The following RGCC variants were observed in gnomAD, a reference collection of about 807,000 sequenced individuals.
The protein encoded by RGCC is regulator of cell cycle, also known as regulator of cell cycle RGCC.
A neutral mutation model predicts 15.4 loss-of-function variants in RGCC; 15 were observed. The ratio of observed to expected loss-of-function variants is 0.97; its 90% CI spans 0.65 to 1.50. The LOEUF is 1.50. Among genes scored for constraint, RGCC ranks in the 40% most tolerant of loss-of-function variants. The pLI is 0.00. For synonymous variants in RGCC, 81 were observed against 78.0 expected, an observed-to-expected ratio of 1.04 and a Z score of -0.20; for missense variants, 176 against 189.7, an observed-to-expected ratio of 0.93 and a Z score of 0.42.
chr13:41,458,183 T>G lies in RGCC; in HGVS notation c.50-102T>G. The stretch of plus-strand genomic sequence containing the variant: ...GCTGTCACTTGGCAGAGGCGCCAAG[T>G]GTCAGTTATCTTCGGGAACCGTGGC... On this transcript the variant is annotated intron_variant, in intron 1 of 4. Transcript: ENST00000379359. This position sits in a 1 kb window ranked among gnomAD's most constrained non-coding sequence, Gnocchi z 4.4. The G allele has an allele frequency of 1.0e-6, 1 of 963,472 alleles. No individual in the cohort carries two copies. Among genetic ancestry groups the G allele is most frequent in the South Asian group, 1.7e-5 (1 of 59,830 alleles). The allele number at this position is 963,472 out of a possible 1,614,324, so 59.7% of individuals were successfully genotyped here. A position where few individuals can be genotyped will look rare whatever the true frequency, so the allele number is the denominator to read the frequency against.
intron 3 of RGCC, among the ~76,000 whole-genome samples, chr13:41,468,295 A>T (rs1026905838): frequency 6.6e-6 from 1 of 152,240 alleles, no homozygotes; most frequent in Non-Finnish European, 1.5e-5. Flanking sequence ...GTGCCGCAGG[A>T]ATGACACAAT....
Position 41,468,756 on chromosome 13 carries a change from C to A in RGCC, c.344-20C>A, listed in dbSNP as rs751736767. On this transcript the variant is annotated intron_variant, in intron 3 of 4. Coordinates refer to ENST00000379359, the MANE Select transcript of RGCC (RefSeq NM_014059.3). ...AACTGAACTCTCTCTCTCTCTCTCTCTCCCTCTCCTGTTTCACAGCTAAAT... is the reference window on the plus strand; with the variant it reads ...AACTGAACTCTCTCTCTCTCTCTCTATCCCTCTCCTGTTTCACAGCTAAAT... 1 of 1,575,256 alleles carries A rather than the reference C, an allele frequency of 6.3e-7. No homozygotes were observed. The highest frequency in any genetic ancestry group is 1.1e-5 in the South Asian group (1 of 90,356).
Position 41,457,663 on chromosome 13 carries a change from C to G in RGCC, c.-45C>G. ...CCCCGAATAGCCCCGGCTGCCACCTCGCAGGACCCAAGGCCACGCGCGCCG... is the reference window on the plus strand; with the variant it reads ...CCCCGAATAGCCCCGGCTGCCACCTGGCAGGACCCAAGGCCACGCGCGCCG... On this transcript the variant is annotated 5_prime_UTR_variant, in exon 1 of 5. Transcript: ENST00000379359. This position sits in a 1 kb window ranked among gnomAD's most constrained non-coding sequence, Gnocchi z 4.9. The G allele has an allele frequency of 6.7e-7, 1 of 1,502,516 alleles. No individual in the cohort carries two copies. The allele number at this position is 1,502,516 out of a possible 1,614,324, so 93.1% of individuals were successfully genotyped here.
rs1268971436 is a variant in RGCC, at chr13:41,463,544, T to G, written c.236-3279T>G. 2.0e-5 allele frequency among the ~76,000 whole-genome samples: 3 copies of G among 151,898 alleles called. No homozygotes were observed. The East Asian group carries it at 5.8e-4, about 29-fold the overall frequency. On this transcript the variant is annotated intron_variant, in intron 2 of 4. Transcript: ENST00000379359. The stretch of plus-strand genomic sequence containing the variant: ...GCGGGCAGGAGGAAGTGAGTGTAGC[T>G]GTGCTGCCATGCCTCTGTTTGCGTG...
At chr13:41,469,190 G>A (rs746402743) in intron 4 of RGCC, among the ~76,000 whole-genome samples, 3 of 151,942 alleles carry the variant, frequency 2.0e-5, no homozygotes, top group South Asian at 2.1e-4. Context: ...GAACCCGGGA[G>A]GCAGAGGTTG....
chr13:41,457,722 G>A lies in RGCC; in HGVS notation c.15G>A (p.Ala5=). The change falls in exon 1 of 5, where the codon GCG becomes GCA. Residue 5 remains alanine (A), a synonymous_variant. Coordinates refer to ENST00000379359, the MANE Select transcript of RGCC (RefSeq NM_014059.3). The surrounding 1 kb of genome is among the most constrained non-coding windows in gnomAD (Gnocchi z 4.9). MKPP[A]AQGSPAAAAA... ...TGAGCCGCCTCATGAAGCCGCCCGC[G>A]GCGCAGGGCAGCCCCGCGGCCGCCG... 5 of 1,462,104 alleles carry A rather than the reference G, an allele frequency of 3.4e-6. No individual in the cohort carries two copies. Among genetic ancestry groups the A allele is most frequent in the Non-Finnish European group, 4.5e-6 (5 of 1,109,416 alleles). 90.6% of individuals were successfully genotyped at this position (1,462,104 alleles called of 1,614,324 possible).
chr13:41,468,779 A>T lies in RGCC; in HGVS notation c.347A>T (p.Lys116Ile). Residue 116 changes from lysine (K) to isoleucine (I), a missense_variant, in exon 4 of 5, where the codon AAA (lysine) becomes ATA (isoleucine). Coordinates refer to ENST00000379359, the MANE Select transcript of RGCC (RefSeq NM_014059.3). Reference sequence around the variant, plus strand: ...CTCTCCCTCTCCTGTTTCACAGCTAAATTAGGAGACACAAAAGAGCTAGAA... The same window carrying T: ...CTCTCCCTCTCCTGTTTCACAGCTATATTAGGAGACACAAAAGAGCTAGAA... ...LSATVTPQKA[K>I]LGDTKELEAF... 1 of 1,606,136 alleles carries T rather than the reference A, an allele frequency of 6.2e-7. No individual in the cohort carries two copies. Among genetic ancestry groups the T allele is most frequent in the Non-Finnish European group, 8.5e-7 (1 of 1,177,972 alleles).
chr13:41,466,708 G>T (rs995845), intron 2 of RGCC, 115 bp from the exon 3 acceptor site: 514,451 of 726,854 alleles, frequency 0.71, 185,268 homozygotes, highest in South Asian at 0.8. Flanking sequence ...TTACTATAGA[G>T]TTGCAGCTTT....
In RGCC at chr13:41,458,469, G is replaced by GAGTA. The variant is rs749653078; in HGVS notation, c.235+3_235+6dup. The GAGTA allele has an allele frequency of 2.5e-6, 4 of 1,594,656 alleles. No individual in the cohort carries two copies. Among genetic ancestry groups the GAGTA allele is most frequent in the Non-Finnish European group, 3.4e-6 (4 of 1,175,856 alleles). ...ACAGCAGCGGCTTCAGCGACTCGGAGAGTAAGTGCGGCCCCCGCTAGGATG... is the reference window on the plus strand; with the variant it reads ...ACAGCAGCGGCTTCAGCGACTCGGAGAGTAAGTAAGTGCGGCCCCCGCTAGGATG... On this transcript the variant is annotated frameshift_variant and splice_region_variant, in exon 2 of 5. Coordinates refer to ENST00000379359, the MANE Select transcript of RGCC (RefSeq NM_014059.3). LOFTEE classifies it high-confidence loss of function. This position sits in a 1 kb window ranked among gnomAD's most constrained non-coding sequence, Gnocchi z 4.4.
In RGCC at chr13:41,468,757, T is replaced by C. The variant is rs533776201; in HGVS notation, c.344-19T>C. The C allele has an allele frequency of 8.2e-5, 129 of 1,567,914 alleles. No individual in the cohort carries two copies. The highest frequency in any genetic ancestry group is 9.9e-5 in the Non-Finnish European group (113 of 1,145,708). On this transcript the variant is annotated intron_variant, in intron 3 of 4. Coordinates refer to ENST00000379359, the MANE Select transcript of RGCC (RefSeq NM_014059.3). Reference sequence around the variant, plus strand: ...ACTGAACTCTCTCTCTCTCTCTCTCTCCCTCTCCTGTTTCACAGCTAAATT... The same window carrying C: ...ACTGAACTCTCTCTCTCTCTCTCTCCCCCTCTCCTGTTTCACAGCTAAATT...
intron 2 of RGCC, among the ~76,000 whole-genome samples, chr13:41,462,314 C>A (rs1397193498): frequency 6.6e-6 from 1 of 152,128 alleles, no homozygotes; most frequent in African/African-American, 2.4e-5. Flanking sequence ...AAAAACACAC[C>A]TACCTTTTAA....
chr13:41,467,406 G>A (rs759693310), intron 3 of RGCC, among the ~76,000 whole-genome samples: 1 of 152,210 alleles, frequency 6.6e-6, no homozygotes, highest in African/African-American at 2.4e-5. Context: ...GATCTAACAT[G>A]ATTTAAAATA....
chr13:41,457,731 C>G lies in RGCC; in HGVS notation c.24C>G (p.Gly8=), dbSNP rs1042742815. ...TCATGAAGCCGCCCGCGGCGCAGGG[C>G]AGCCCCGCGGCCGCCGCGGCCGCAG... The part of the protein sequence containing the change: MKPPAAQ[G]SPAAAAAAAP... The change falls in exon 1 of 5, where the codon GGC becomes GGG. Residue 8 remains glycine (G), a synonymous_variant. Transcript: ENST00000379359. This position sits in a 1 kb window ranked among gnomAD's most constrained non-coding sequence, Gnocchi z 4.9. 2 of 1,422,422 alleles carry G rather than the reference C, an allele frequency of 1.4e-6. No individual in the cohort carries two copies. Among genetic ancestry groups the G allele is most frequent in the Non-Finnish European group, 9.1e-7 (1 of 1,093,018 alleles). 88.1% of individuals were successfully genotyped at this position (1,422,422 alleles called of 1,614,324 possible).
chr13:41,465,411 C>T (rs997025656), intron 2 of RGCC, among the ~76,000 whole-genome samples: 4 of 152,224 alleles, frequency 2.6e-5, no homozygotes, highest in African/African-American at 7.2e-5. Flanking sequence ...GAGTCACAGC[C>T]ACACAGCTGG....
At chr13:41,470,435 G>T in intron 4 of RGCC, 43 bp from the exon 5 acceptor site, 1 of 1,606,382 alleles carries the variant, frequency 6.2e-7, no homozygotes, top group Non-Finnish European at 8.5e-7. Flanking sequence ...CATAGGAATT[G>T]TGAGCCTCTG....
At chr13:41,468,960 GT>G in intron 4 of RGCC, 122 bp downstream of exon 4, 1 of 711,120 alleles carries the variant, frequency 1.4e-6, no homozygotes, top group Non-Finnish European at 2.3e-6. Flanking sequence ...CCTTCTATAG[GT>G]TTAGAAACAG....
Position 41,466,946 on chromosome 13 carries a change from G to T in RGCC, c.343+16G>T. The T allele has an allele frequency of 6.3e-7, 1 of 1,583,714 alleles. No homozygotes were observed. The highest frequency in any genetic ancestry group is 8.7e-7 in the Non-Finnish European group (1 of 1,152,730). The stretch of plus-strand genomic sequence containing the variant: ...CCTCAGAAAGGTAAGGTCATTAGTT[G>T]GAATTTGAGTTTTTTGCTTTTTTAT... On this transcript the variant is annotated intron_variant, in intron 3 of 4. Coordinates refer to ENST00000379359, the MANE Select transcript of RGCC (RefSeq NM_014059.3).
rs900764265 is a variant in RGCC, at chr13:41,458,288, C to G, written c.53C>G (p.Pro18Arg). The G allele has an allele frequency of 6.4e-7, 1 of 1,571,042 alleles. No homozygotes were observed. The highest frequency in any genetic ancestry group is 8.6e-7 in the Non-Finnish European group (1 of 1,165,706). ...GSPAAAAAAA[P>R]ALDSAAAEDL... ...GAGCCCCTGGCCCTGCCCGCAGCCCCGGCCCTGGACTCGGCGGCCGCGGAG... is the reference window on the plus strand; with the variant it reads ...GAGCCCCTGGCCCTGCCCGCAGCCCGGGCCCTGGACTCGGCGGCCGCGGAG... The change falls in exon 2 of 5, where the codon CCG (proline) becomes CGG (arginine). Residue 18 changes from proline (P) to arginine (R), a missense_variant. Coordinates refer to ENST00000379359, the MANE Select transcript of RGCC (RefSeq NM_014059.3). The surrounding 1 kb of genome is among the most constrained non-coding windows in gnomAD (Gnocchi z 4.4).
intron 2 of RGCC, among the ~76,000 whole-genome samples, chr13:41,465,257 T>C (rs920633952): frequency 6.6e-6 from 1 of 152,198 alleles, no homozygotes; most frequent in African/African-American, 2.4e-5. Flanking sequence ...GAGCCACTTC[T>C]CTGCTCCAAC....
Sources: allele counts gnomAD v4.1 joint callset (sites outside exome capture counted in the v4.1 genomes callset), GRCh38; gene constraint gnomAD v4.1.1; non-coding constraint Gnocchi (gnomAD v3.1); transcripts MANE v1.5; gene names NCBI Gene and HGNC (gene_info 2026-07-23, HGNC 2026-07-21).